The following NHSL3 variants were observed in gnomAD, a reference collection of about 807,000 sequenced individuals.
The protein encoded by NHSL3 is NHS like 3.
At chr1:32,745,969 G>A in the NHSL3 span, among the ~76,000 whole-genome samples, 24 of 152,174 alleles carry the variant, frequency 1.6e-4, no homozygotes, top group East Asian at 1.4e-3. Flanking sequence ...GGTGGCTCAC[G>A]CCTGTAATCC....
chr1:32,748,260 C>A, the NHSL3 span, among the ~76,000 whole-genome samples: 52 of 151,966 alleles, frequency 3.4e-4, no homozygotes, highest in African/African-American at 1.2e-3. Context: ...GCCTGGGCGA[C>A]GGGAGTTCAA....
the NHSL3 span, among the ~76,000 whole-genome samples, chr1:32,755,816 C>T: frequency 6.6e-6 from 1 of 152,182 alleles, no homozygotes; most frequent in Non-Finnish European, 1.5e-5. Context: ...CTCTCCCTGC[C>T]CCAGCAGTCC....
the NHSL3 span, chr1:32,742,202 G>A: frequency 1.6e-6 from 2 of 1,246,454 alleles, no homozygotes; most frequent in Non-Finnish European, 2.0e-6. Context: ...AAGGCGGTCG[G>A]CACCTGGGCT....
At chr1:32,770,830 C>A in the NHSL3 span, 13 of 1,604,594 alleles carry the variant, frequency 8.1e-6, no homozygotes, top group Non-Finnish European at 1.1e-5. This position sits in a 1 kb window ranked among gnomAD's most constrained non-coding sequence, Gnocchi z 8.3. Context: ...AGCACCCTGT[C>A]CACCCAACCC....
the NHSL3 span, chr1:32,765,911 C>A: frequency 7.4e-7 from 1 of 1,349,274 alleles, no homozygotes; most frequent in Non-Finnish European, 1.0e-6. Context: ...GGAATCAAGG[C>A]TGGGCAAAAG....
the NHSL3 span, among the ~76,000 whole-genome samples, chr1:32,743,448 A>C: frequency 1.4e-4 from 21 of 152,304 alleles, no homozygotes; most frequent in South Asian, 4.1e-4. Flanking sequence ...GACTGGGCCA[A>C]ACCCTGAGGG....
chr1:32,751,855 C>G, the NHSL3 span, among the ~76,000 whole-genome samples: 1 of 152,142 alleles, frequency 6.6e-6, no homozygotes, highest in Non-Finnish European at 1.5e-5. Flanking sequence ...TGAGGCTGAA[C>G]TGGTGGGCAG....
the NHSL3 span, among the ~76,000 whole-genome samples, chr1:32,754,461 ACT>A: frequency 0.091 from 13,758 of 151,600 alleles, 692 homozygotes; most frequent in South Asian, 0.12. Flanking sequence ...TCACACCCAC[ACT>A]CTCGTACCAT....
At chr1:32,768,702 C>T in the NHSL3 span, 2 of 1,614,182 alleles carry the variant, frequency 1.2e-6, no homozygotes, top group South Asian at 1.1e-5. Flanking sequence ...GCAGTCAGAC[C>T]ACATCCTACG....
the NHSL3 span, among the ~76,000 whole-genome samples, chr1:32,764,034 A>C: frequency 6.6e-6 from 1 of 150,420 alleles, no homozygotes; most frequent in Admixed American, 6.7e-5. Flanking sequence ...TAATTTTCAA[A>C]GTTTTTTGTA....
At chr1:32,770,291 G>A in the NHSL3 span, 24 of 1,609,794 alleles carry the variant, frequency 1.5e-5, no homozygotes, top group East Asian at 4.5e-5. The surrounding 1 kb of genome is among the most constrained non-coding windows in gnomAD (Gnocchi z 8.3). Flanking sequence ...GCCCTAGGCC[G>A]CTGCAGCCTG....
chr1:32,754,015 C>G, the NHSL3 span: 4 of 510,110 alleles, frequency 7.8e-6, no homozygotes, highest in South Asian at 1.1e-4. Context: ...CGCTGCCTCC[C>G]TCCCGGGGCT....
the NHSL3 span, chr1:32,767,663 C>T: frequency 4.0e-6 from 3 of 756,682 alleles, no homozygotes; most frequent in East Asian, 7.6e-5. Context: ...GGGAAGGGGG[C>T]ATTGCTTGTA....
chr1:32,768,144 G>T, the NHSL3 span: 1 of 1,454,680 alleles, frequency 6.9e-7, no homozygotes, highest in South Asian at 1.1e-5. Context: ...GCTCAGTCCT[G>T]ACTCTTCTCT....
At chr1:32,742,788 G>A in the NHSL3 span, among the ~76,000 whole-genome samples, 12 of 152,198 alleles carry the variant, frequency 7.9e-5, no homozygotes, top group Non-Finnish European at 1.8e-4. Context: ...TCCTGGGGTA[G>A]TGAGCTCACC....
At chr1:32,748,452 C>T in the NHSL3 span, among the ~76,000 whole-genome samples, 4 of 152,068 alleles carry the variant, frequency 2.6e-5, no homozygotes, top group African/African-American at 4.8e-5. Flanking sequence ...TCTGTTTGCC[C>T]GTCAGTCAAC....
chr1:32,742,263 C>T, the NHSL3 span: 3 of 1,214,130 alleles, frequency 2.5e-6, no homozygotes, highest in Middle Eastern at 3.2e-4. Flanking sequence ...GCCGGGGGTC[C>T]GCGCGCGGCG....
the NHSL3 span, among the ~76,000 whole-genome samples, chr1:32,752,954 T>C: frequency 0.28 from 905 of 3,238 alleles, 37 homozygotes; most frequent in African/African-American, 0.39. Flanking sequence ...CACACACATA[T>C]ATATATATAT....
At chr1:32,741,942 G>GC in the NHSL3 span, 1 of 827,812 alleles carries the variant, frequency 1.2e-6, no homozygotes, top group Non-Finnish European at 1.5e-6. The surrounding 1 kb of genome is among the most constrained non-coding windows in gnomAD (Gnocchi z 4.3). Flanking sequence ...CGCCCGCTCC[G>GC]CCCCCGCCTG....
Sources: gnomAD v4.1 joint callset for allele counts (sites outside exome capture counted in the v4.1 genomes callset) on GRCh38, gnomAD v4.1.1 for gene constraint, Gnocchi (gnomAD v3.1) non-coding constraint, MANE v1.5 for transcripts, NCBI Gene and HGNC (gene_info 2026-07-23, HGNC 2026-07-21) for gene names.